Variants in ISY1 observed in about 807,000 individuals in gnomAD.
ISY1 encodes the protein pre-mRNA-splicing factor ISY1 homolog.
A neutral mutation model predicts 54.4 loss-of-function variants in ISY1; 12 were observed. That is an observed-to-expected ratio of 0.22 (90% confidence interval 0.14 to 0.36). The LOEUF (loss-of-function observed/expected upper bound fraction) is 0.36, where lower values mean the gene tolerates loss of function less well. Ranked by LOEUF, ISY1 falls within the 10% of genes least tolerant of loss-of-function variation. ISY1 has a pLI of 1.00. For synonymous variants in ISY1, 96 were observed against 117.9 expected, an observed-to-expected ratio of 0.81 and a Z score of 1.20; for missense variants, 282 against 342.2, an observed-to-expected ratio of 0.82 and a Z score of 1.39.
Position 129,130,092 on chromosome 3 carries a change from G to A in ISY1, c.847C>T (p.Leu283=), listed in dbSNP as rs763605712. 11 of 1,604,434 alleles carry A rather than the reference G, an allele frequency of 6.9e-6. No homozygotes were observed. Among genetic ancestry groups the A allele is most frequent in the South Asian group, 1.1e-5 (1 of 89,888 alleles). ...GCCCCAGCTGGGTCCTAATACCCCA[G>A]GAGCCTTCTGGCTTCTTCACTTTGG... is the stretch of plus-strand genomic sequence containing the variant. The part of the protein sequence containing the change: ...QAQSEEARRL[L]GY The change falls in exon 11 of 11, where the codon CTG becomes TTG. Residue 283 remains leucine (L), a synonymous_variant. Coordinates refer to ENST00000393295, the MANE Select transcript of ISY1 (RefSeq NM_020701.4).
chr3:129,158,576 A>G lies in ISY1; in HGVS notation c.27-17T>C. 1.9e-6 allele frequency: 3 copies of G among 1,613,948 alleles called. No homozygotes were observed. In the Middle Eastern group the frequency reaches 5.0e-4, roughly 266 times the overall value. On this transcript the variant is annotated splice_polypyrimidine_tract_variant and intron_variant, in intron 2 of 10. Transcript: ENST00000393295. ...AAGGCCGTCCTACCAGCGATATAAA[A>G]GATAAAAGACTCCATTAGATCCTGC...
At chr3:129,155,871 G>A (rs745711789) in intron 5 of ISY1, among the ~76,000 whole-genome samples, 1 of 151,894 alleles carries the variant, frequency 6.6e-6, no homozygotes, top group Non-Finnish European at 1.5e-5. Context: ...ACAAGCATGC[G>A]CTACCACGTC....
chr3:129,156,749 T>C, intron 4 of ISY1, 74 bp from the exon 5 acceptor site: 1 of 1,554,692 alleles, frequency 6.4e-7, no homozygotes, highest in Non-Finnish European at 8.7e-7. Context: ...TAATTCAAAA[T>C]TAGTATTTAA....
chr3:129,130,022 C>G lies in ISY1; in HGVS notation c.*59G>C. ...GCAGCACCAGCCTGTGTCTGCAGCC[C>G]TGGGTCCTGAGGTACCACTGGGGGA... On this transcript the variant is annotated 3_prime_UTR_variant, in exon 11 of 11. Transcript: ENST00000393295. 1 of 1,367,984 alleles carries G rather than the reference C, an allele frequency of 7.3e-7. No homozygotes were observed. Among genetic ancestry groups the G allele is most frequent in the Non-Finnish European group, 9.9e-7 (1 of 1,005,314 alleles). 84.7% of individuals were successfully genotyped at this position (1,367,984 alleles called of 1,614,324 possible).
At chr3:129,154,460 A>C in intron 5 of ISY1, among the ~76,000 whole-genome samples, 1 of 150,326 alleles carries the variant, frequency 6.7e-6, no homozygotes, top group Non-Finnish European at 1.5e-5. Flanking sequence ...AAAAAAAAAA[A>C]AAAGGACCAC....
chr3:129,138,472 A>G (rs138708636), intron 7 of ISY1, among the ~76,000 whole-genome samples: 90 of 151,826 alleles, frequency 5.9e-4, no homozygotes, highest in African/African-American at 1.8e-3. Context: ...CGTCTCTACT[A>G]AAAATACAAA....
intron 6 of ISY1, among the ~76,000 whole-genome samples, chr3:129,142,770 C>T (rs1461726909): frequency 6.6e-6 from 1 of 152,024 alleles, no homozygotes; most frequent in Non-Finnish European, 1.5e-5. Flanking sequence ...ATTAGCTGGG[C>T]ATGGCCAGGC....
At position 129,152,608 on chromosome 3, in the gene ISY1, G is replaced by A. The variant is rs1937010837; in HGVS notation, c.187+4025C>T. Among the ~76,000 whole-genome samples, 5 of 151,876 alleles carry A rather than the reference G, an allele frequency of 3.3e-5. No homozygotes were observed. In the South Asian group the frequency reaches 1.0e-3, roughly 31 times the overall value. On this transcript the variant is annotated intron_variant, in intron 5 of 10. Coordinates refer to ENST00000393295, the MANE Select transcript of ISY1 (RefSeq NM_020701.4). Reference sequence around the variant, plus strand: ...TTTAGTAGAGACGGGGTTTCACCGTGTGTTAGCCAGGATGGTTTCGATCTC... The same window carrying A: ...TTTAGTAGAGACGGGGTTTCACCGTATGTTAGCCAGGATGGTTTCGATCTC...
rs1466283261 is a variant in ISY1, at chr3:129,129,270, C to T, written c.*811G>A. On this transcript the variant is annotated 3_prime_UTR_variant, in exon 11 of 11. Coordinates refer to ENST00000393295, the MANE Select transcript of ISY1 (RefSeq NM_020701.4). ...GAATAGCAAACTCAAATTCCTGCCA[C>T]CCAGGCAGGAGCGAGTGGAGCAGGT... The T allele has an allele frequency of 1.3e-5, 2 of 152,184 alleles. No homozygotes were observed. The highest frequency in any genetic ancestry group is 4.8e-5 in the African/African-American group (2 of 41,414). 9.4% of individuals were successfully genotyped at this position (152,184 alleles called of 1,614,324 possible). A position where few individuals can be genotyped will look rare whatever the true frequency, so the allele number is the denominator to read the frequency against.
chr3:129,131,889 G>A (rs1354597375), intron 9 of ISY1, among the ~76,000 whole-genome samples: 1 of 152,180 alleles, frequency 6.6e-6, no homozygotes, highest in African/African-American at 2.4e-5. Flanking sequence ...GAGTGCAGTG[G>A]TGCAATCACA....
At chr3:129,142,787 G>C (rs1936660070) in intron 6 of ISY1, among the ~76,000 whole-genome samples, 1 of 152,172 alleles carries the variant, frequency 6.6e-6, no homozygotes, top group Non-Finnish European at 1.5e-5. Context: ...AGGCACGGTA[G>C]CTCACACCTA....
chr3:129,149,990 A>T (rs12496427), intron 5 of ISY1, among the ~76,000 whole-genome samples: 1 of 150,886 alleles, frequency 6.6e-6, no homozygotes. Context: ...AAAAAAAAAA[A>T]AGAAAAAGTC....
At position 129,139,884 on chromosome 3, in the gene ISY1, C is replaced by T. The variant is rs1042705093; in HGVS notation, c.418+484G>A. Among the ~76,000 whole-genome samples the T allele has an allele frequency of 6.6e-5, 10 of 152,202 alleles. No individual in the cohort carries two copies. In the East Asian group the frequency reaches 1.7e-3, roughly 26 times the overall value. ...CTCTAACTCCCTACCTCAGGTGATC[C>T]GCCCACCTCAGCCTCCCAAAGTGCT... On this transcript the variant is annotated intron_variant, in intron 7 of 10. Transcript: ENST00000393295.
chr3:129,127,435 A>C lies in ISY1; in HGVS notation c.*2646T>G, dbSNP rs1936121615. The C allele has an allele frequency of 6.6e-6, 1 of 152,186 alleles. No individual in the cohort carries two copies. Among genetic ancestry groups the C allele is most frequent in the South Asian group, 2.1e-4 (1 of 4,834 alleles). The allele number at this position is 152,186 out of a possible 1,614,324, so 9.4% of individuals were successfully genotyped here. ...AAAGCTAAAATAAACCATTCAGTAGATTTTATTAACCAAACAAAGCCTCCT... is the reference window on the plus strand; with the variant it reads ...AAAGCTAAAATAAACCATTCAGTAGCTTTTATTAACCAAACAAAGCCTCCT... On this transcript the variant is annotated 3_prime_UTR_variant, in exon 11 of 11. Transcript: ENST00000393295.
intron 5 of ISY1, among the ~76,000 whole-genome samples, chr3:129,147,402 C>T (rs1936800184): frequency 6.6e-6 from 1 of 151,948 alleles, no homozygotes; most frequent in South Asian, 2.1e-4. Context: ...AAAAAAAATA[C>T]ATTTTAGAAC....
Position 129,140,492 on chromosome 3 carries a change from G to A in ISY1, c.301-7C>T. ...GCATTTTAGGGCCAACTTTCTTATT[G>A]GGAAGAAAAAAAGAGAAAATGGATC... On this transcript the variant is annotated splice_polypyrimidine_tract_variant and splice_region_variant and intron_variant, in intron 6 of 10. Coordinates refer to ENST00000393295, the MANE Select transcript of ISY1 (RefSeq NM_020701.4). The A allele has an allele frequency of 6.3e-7, 1 of 1,589,692 alleles. No individual in the cohort carries two copies. Among genetic ancestry groups the A allele is most frequent in the Non-Finnish European group, 8.5e-7 (1 of 1,173,686 alleles).
intron 7 of ISY1, among the ~76,000 whole-genome samples, chr3:129,136,630 A>G (rs990373940): frequency 1.3e-5 from 2 of 151,380 alleles, no homozygotes; most frequent in African/African-American, 4.9e-5. Context: ...CAGCCTCCTG[A>G]GTAGCTGGAA....
chr3:129,156,573 G>T, intron 5 of ISY1, 60 bp downstream of exon 5: 1 of 1,540,670 alleles, frequency 6.5e-7, no homozygotes, highest in Non-Finnish European at 8.9e-7. Flanking sequence ...GAGTATTGAA[G>T]TCCTCAAGTC....
At chr3:129,150,176 T>C (rs565412619) in intron 5 of ISY1, among the ~76,000 whole-genome samples, 30 of 152,270 alleles carry the variant, frequency 2.0e-4, no homozygotes, top group African/African-American at 7.2e-4. Context: ...GTTTTGGCTA[T>C]TCTAGTTCCT....
Sources: allele counts gnomAD v4.1 joint callset (sites outside exome capture counted in the v4.1 genomes callset), GRCh38; gene constraint gnomAD v4.1.1; transcripts MANE v1.5; gene names NCBI Gene and HGNC (gene_info 2026-07-23, HGNC 2026-07-21).